The following CD36 variants were observed in gnomAD, a reference collection of about 807,000 sequenced individuals.
CD36 encodes the protein platelet glycoprotein 4.
A neutral mutation model predicts 55.2 loss-of-function variants in CD36; 119 were observed. The ratio of observed to expected loss-of-function variants is 2.15; its 90% CI spans 1.86 to 2.51. The LOEUF (loss-of-function observed/expected upper bound fraction) is 2.51, where lower values mean the gene tolerates loss of function less well. Ranked by LOEUF, CD36 falls within the 30% of genes most tolerant of loss-of-function variation. The probability of loss-of-function intolerance (pLI) is 0.00; values close to 1 mark genes in which losing one functional copy is unlikely to be tolerated. For missense variants in CD36, 819 were observed against 555.5 expected (o/e 1.47, Z -4.77); for synonymous variants, 186 against 193.6 (o/e 0.96, Z 0.33).
At chr7:80,673,577 A>T (rs1023584609) in intron 13 of CD36, 168 bp downstream of exon 13, 1 of 595,400 alleles carries the variant, frequency 1.7e-6, no homozygotes, top group Non-Finnish European at 3.0e-6. Flanking sequence ...TTGAACAAAA[A>T]CATTTCCTAT....
chr7:80,651,300 CTGCGTGAAGAAAT>C (rs1454999781), intron 3 of CD36, among the ~76,000 whole-genome samples: 3 of 152,032 alleles, frequency 2.0e-5, no homozygotes, highest in Admixed American at 6.6e-5. Context: ...TGCTTATTAC[CTGCGTGAAGAAAT>C]AATCCGTACA....
chr7:80,670,043 T>C, intron 9 of CD36, 21 bp downstream of exon 9: 1 of 1,483,946 alleles, frequency 6.7e-7, no homozygotes. Context: ...TACTGAAGTA[T>C]AAGTATGTCT....
chr7:80,656,108 A>T (rs1796035846), intron 3 of CD36, among the ~76,000 whole-genome samples: 1 of 152,174 alleles, frequency 6.6e-6, no homozygotes, highest in Non-Finnish European at 1.5e-5. Flanking sequence ...CAATACCATT[A>T]GATTTTTCAC....
intron 14 of CD36, among the ~76,000 whole-genome samples, chr7:80,675,715 A>G (rs1304129000): frequency 6.6e-6 from 1 of 152,228 alleles, no homozygotes; most frequent in Non-Finnish European, 1.5e-5. Flanking sequence ...CATAAAAATT[A>G]TATCTTTGGG....
intron 1 of CD36, among the ~76,000 whole-genome samples, chr7:80,620,407 A>G (rs1438092146): frequency 1.3e-5 from 2 of 152,168 alleles, no homozygotes; most frequent in African/African-American, 2.4e-5. Context: ...GAAGCAGCTC[A>G]CAGAAGTCAG....
At chr7:80,643,020 C>T (rs1794918717) in intron 1 of CD36, among the ~76,000 whole-genome samples, 1 of 152,112 alleles carries the variant, frequency 6.6e-6, no homozygotes, top group Admixed American at 6.6e-5. Context: ...CAGGCCTGTC[C>T]ATTGCTCAAC....
chr7:80,642,215 T>C (rs1794865581), intron 1 of CD36, among the ~76,000 whole-genome samples: 1 of 152,140 alleles, frequency 6.6e-6, no homozygotes, highest in Non-Finnish European at 1.5e-5. Flanking sequence ...AGTAAATTAT[T>C]ACCGATACAG....
chr7:80,620,834 T>C (rs1256539234), intron 1 of CD36, among the ~76,000 whole-genome samples: 1 of 152,172 alleles, frequency 6.6e-6, no homozygotes, highest in Non-Finnish European at 1.5e-5. Context: ...CAAAAACCAA[T>C]ATATATCATA....
intron 1 of CD36, among the ~76,000 whole-genome samples, chr7:80,632,642 T>C (rs1245696674): frequency 2.6e-5 from 4 of 152,052 alleles, no homozygotes; most frequent in African/African-American, 9.7e-5. Context: ...ATTTTTCTGT[T>C]TTAAGATATT....
At chr7:80,647,128 G>T in intron 3 of CD36, 1 of 375,008 alleles carries the variant, frequency 2.7e-6, no homozygotes, top group Non-Finnish European at 5.1e-6. Flanking sequence ...CATGTTAGTA[G>T]AAATAATTGT....
At chr7:80,609,035 C>A (rs1287759943) in intron 1 of CD36, among the ~76,000 whole-genome samples, 2 of 152,014 alleles carry the variant, frequency 1.3e-5, no homozygotes, top group African/African-American at 4.8e-5. Flanking sequence ...AGGCCATCTC[C>A]TAAACCCAAA....
intron 1 of CD36, among the ~76,000 whole-genome samples, chr7:80,606,565 A>G (rs1295048656): frequency 6.6e-6 from 1 of 152,168 alleles, no homozygotes; most frequent in African/African-American, 2.4e-5. Flanking sequence ...TCTGCATGCA[A>G]AACTTAGATG....
Position 80,673,350 on chromosome 7 carries a change from T to A in CD36, c.1200-5T>A, listed in dbSNP as rs199599391. 49 of 1,340,506 alleles carry A rather than the reference T, an allele frequency of 3.7e-5. No individual in the cohort carries two copies. The Middle Eastern group carries it at 7.6e-4, about 21-fold the overall frequency. The allele number at this position is 1,340,506 out of a possible 1,614,324, so 83.0% of individuals were successfully genotyped here. On this transcript the variant is annotated splice_polypyrimidine_tract_variant and splice_region_variant and intron_variant, in intron 12 of 14. Transcript: ENST00000447544. The stretch of plus-strand genomic sequence containing the variant: ...GTTCATAATTATTTTCAACGTATAT[T>A]ACAGAGTATTAAAGAATCTGAAGAG...
chr7:80,604,281 A>G (rs1792408717), intron 1 of CD36, among the ~76,000 whole-genome samples: 2 of 151,154 alleles, frequency 1.3e-5, no homozygotes, highest in Non-Finnish European at 2.9e-5. Context: ...TATAAAAAGA[A>G]TATAGTTGAG....
chr7:80,620,012 G>GTGTTTT (rs371728039), intron 1 of CD36, among the ~76,000 whole-genome samples: 1 of 152,172 alleles, frequency 6.6e-6, no homozygotes, highest in Non-Finnish European at 1.5e-5. Context: ...AGCAAAGAAA[G>GTGTTTT]TGTTTTTGTT....
chr7:80,637,173 TGTC>T (rs1489781592), upstream of CD36, among the ~76,000 whole-genome samples: 21 of 152,104 alleles, frequency 1.4e-4, no homozygotes, highest in Admixed American at 1.4e-3. Flanking sequence ...TTTTCTGAAT[TGTC>T]ATATTAGAGT....
In CD36 at chr7:80,663,070, C is replaced by G; in HGVS notation, c.510C>G (p.Phe170Leu). The change falls in exon 6 of 15, where the codon TTC becomes TTG. Residue 170 changes from phenylalanine (F) to leucine (L), a missense_variant. By Grantham distance (22) the Phe-to-Leu change is conservative. Transcript: ENST00000447544. ...SLINKSKSSMFQVRTLRELLW... is the reference protein window; with the variant it reads ...SLINKSKSSMLQVRTLRELLW... ...TTAACAAGTCAAAATCTTCTATGTT[C>G]CAAGTCAGAACTTTGAGAGAACTGT... 8 of 1,613,226 alleles carry G rather than the reference C, an allele frequency of 5.0e-6. 1 individual carries two copies. The Middle Eastern group carries it at 8.3e-4, about 167-fold the overall frequency.
intron 4 of CD36, among the ~76,000 whole-genome samples, 182 bp from the exon 5 acceptor site, chr7:80,660,881 G>C (rs755495097): frequency 2.6e-5 from 4 of 152,028 alleles, no homozygotes; most frequent in Non-Finnish European, 5.9e-5. Flanking sequence ...GCCAGTTTAA[G>C]ACCCCTTCTC....
rs1231838126 is a variant in CD36 at position 80,660,149 on chromosome 7, G to T, written c.282-914G>T. On this transcript the variant is annotated intron_variant, in intron 4 of 14. Coordinates refer to ENST00000447544, the MANE Select transcript of CD36 (RefSeq NM_001001548.3). ...CATTCAAATATGACAGTGCAATTAT[G>T]ATATATATCTTATTTCTTCTCAGTG... Among the ~76,000 whole-genome samples, 3 of 152,080 alleles carry T rather than the reference G, an allele frequency of 2.0e-5. No individual in the cohort carries two copies. The East Asian group carries it at 5.8e-4, about 29-fold the overall frequency.
Sources: gnomAD v4.1 joint callset for allele counts (sites outside exome capture counted in the v4.1 genomes callset) on GRCh38, gnomAD v4.1.1 for gene constraint, MANE v1.5 for transcripts, NCBI Gene and HGNC (gene_info 2026-07-23, HGNC 2026-07-21) for gene names.